DNAJC15: variants seen among roughly 807,000 people sequenced by gnomAD.
DNAJC15 encodes the protein dnaJ homolog subfamily C member 15.
Under a neutral mutation model 22.4 loss-of-function variants are expected in DNAJC15, and 27 were observed. That is an observed-to-expected ratio of 1.20 (90% CI 0.89 to 1.66). DNAJC15 has a LOEUF of 1.66. DNAJC15 is among the 40% of genes most tolerant of loss of function. The pLI is 0.00. For synonymous variants in DNAJC15, 79 were observed against 63.2 expected, an observed-to-expected ratio of 1.25 and a Z score of -1.19; for missense variants, 208 against 187.1, an observed-to-expected ratio of 1.11 and a Z score of -0.65.
Position 43,069,014 on chromosome 13 carries a change from C to G in DNAJC15, c.234+11C>G. ...AAGATTTCAACTCCTGTAAGTTAAA[C>G]GTGGCTTTAGTTAGAAGACTCATTT... is the stretch of plus-strand genomic sequence containing the variant. On this transcript the variant is annotated intron_variant, in intron 3 of 5. Transcript: ENST00000379221. The G allele has an allele frequency of 6.2e-7, 1 of 1,608,192 alleles. No homozygotes were observed. The highest frequency in any genetic ancestry group is 8.5e-7 in the Non-Finnish European group (1 of 1,177,206).
chr13:43,023,796 C>G (rs2281777), intron 1 of DNAJC15, 62 bp downstream of exon 1: 321,688 of 1,431,230 alleles, frequency 0.22, 37,084 homozygotes, highest in Non-Finnish European at 0.24. Context: ...CTTCAGCCCC[C>G]TCTACCGCCT....
intron 1 of DNAJC15, among the ~76,000 whole-genome samples, chr13:43,026,800 C>A (rs2040382654): frequency 6.6e-6 from 1 of 152,186 alleles, no homozygotes; most frequent in Non-Finnish European, 1.5e-5. Flanking sequence ...TTTGGAAGGT[C>A]AGGTGGGAGA....
chr13:43,107,270 G>T lies in DNAJC15; in HGVS notation c.*22G>T, dbSNP rs1359081419. The T allele has an allele frequency of 1.5e-6, 2 of 1,326,458 alleles. No individual in the cohort carries two copies. The highest frequency in any genetic ancestry group is 3.2e-5 in the Admixed American group (1 of 31,740). 82.2% of individuals were successfully genotyped at this position (1,326,458 alleles called of 1,614,324 possible). ...TTGATGCTTAAGGACCACACTGAAG[G>T]AAAAAAAAAGAGGGGACTTCGAAAA... On this transcript the variant is annotated 3_prime_UTR_variant, in exon 6 of 6. Coordinates refer to ENST00000379221, the MANE Select transcript of DNAJC15 (RefSeq NM_013238.3).
At chr13:43,049,485 G>T (rs1415133318) in intron 1 of DNAJC15, among the ~76,000 whole-genome samples, 2 of 152,092 alleles carry the variant, frequency 1.3e-5, no homozygotes, top group African/African-American at 4.8e-5. Flanking sequence ...CATGCTAATT[G>T]TTTTTCAACA....
intron 5 of DNAJC15, among the ~76,000 whole-genome samples, chr13:43,087,293 C>G (rs2040693269): frequency 6.6e-6 from 1 of 152,202 alleles, no homozygotes; most frequent in Non-Finnish European, 1.5e-5. Flanking sequence ...AAAGTTCATG[C>G]ACTTCCTAAA....
intron 1 of DNAJC15, among the ~76,000 whole-genome samples, chr13:43,062,160 A>G (rs996874992): frequency 1.3e-5 from 2 of 152,286 alleles, no homozygotes; most frequent in South Asian, 4.2e-4. Context: ...CTTAGGGACT[A>G]GCAGCACTTG....
In DNAJC15 at chr13:43,113,108, C is replaced by A. The variant is rs992350283; in HGVS notation, c.*5860C>A. On this transcript the variant is annotated 3_prime_UTR_variant, in exon 6 of 6. Transcript: ENST00000379221. ...AGATTTTATCTGAAATGTTCATGGA[C>A]AAGAGCTTTCAAGGAGAACATCCAG... 5 of 152,238 alleles carry A rather than the reference C, an allele frequency of 3.3e-5. No individual in the cohort carries two copies. The highest frequency in any genetic ancestry group is 1.2e-4 in the African/African-American group (5 of 41,516). The allele number at this position is 152,238 out of a possible 1,614,324, so 9.4% of individuals were successfully genotyped here.
chr13:43,034,858 T>A (rs1566200163), intron 1 of DNAJC15, among the ~76,000 whole-genome samples: 1 of 152,164 alleles, frequency 6.6e-6, no homozygotes, highest in Non-Finnish European at 1.5e-5. Flanking sequence ...AGGCTCATTT[T>A]GTGTATTTCC....
In DNAJC15 at chr13:43,108,300, T is replaced by TGCA. The variant is rs1406906555; in HGVS notation, c.*1054_*1056dup. 2.0e-5 allele frequency: 3 copies of TGCA among 152,106 alleles called. No homozygotes were observed. Among genetic ancestry groups the TGCA allele is most frequent in the African/African-American group, 4.8e-5 (2 of 41,422 alleles). 9.4% of individuals were successfully genotyped at this position (152,106 alleles called of 1,614,324 possible). On this transcript the variant is annotated 3_prime_UTR_variant, in exon 6 of 6. Coordinates refer to ENST00000379221, the MANE Select transcript of DNAJC15 (RefSeq NM_013238.3). ...GATATATCAATCGGAGTGATTAGAG[T>TGCA]GCAGGGTTTCTGGAAAGCAAGGTTT...
intron 5 of DNAJC15, among the ~76,000 whole-genome samples, chr13:43,097,872 G>A (rs1566217070): frequency 6.6e-6 from 1 of 152,208 alleles, no homozygotes; most frequent in Non-Finnish European, 1.5e-5. Context: ...GGGAGGCAGA[G>A]GTTGCGGTGA....
chr13:43,040,686 TCTCGCCGGC>T (rs2040449409), intron 1 of DNAJC15, among the ~76,000 whole-genome samples: 2 of 151,928 alleles, frequency 1.3e-5, no homozygotes, highest in Non-Finnish European at 2.9e-5. Context: ...ATACGGAGGA[TCTCGCCGGC>T]CTCTGAGTTC....
intron 4 of DNAJC15, among the ~76,000 whole-genome samples, chr13:43,080,023 C>T (rs1385916359): frequency 2.0e-5 from 3 of 152,130 alleles, no homozygotes; most frequent in Non-Finnish European, 2.9e-5. Flanking sequence ...ATAAAGTTGC[C>T]GTGAAGATTA....
chr13:43,078,543 T>TG, intron 3 of DNAJC15, 69 bp from the exon 4 acceptor site: 2 of 1,263,382 alleles, frequency 1.6e-6, no homozygotes, highest in Non-Finnish European at 2.3e-6. Flanking sequence ...TGCAGCTACA[T>TG]GATGAGATTG....
intron 3 of DNAJC15, among the ~76,000 whole-genome samples, chr13:43,069,642 T>A (rs1043409271): frequency 6.6e-6 from 1 of 152,184 alleles, no homozygotes; most frequent in African/African-American, 2.4e-5. Flanking sequence ...TAAAGAAAAG[T>A]CAGTGAGGCC....
At chr13:43,046,925 G>A (rs1004304715) in intron 1 of DNAJC15, among the ~76,000 whole-genome samples, 3 of 152,150 alleles carry the variant, frequency 2.0e-5, no homozygotes, top group African/African-American at 4.8e-5. Flanking sequence ...GTTACTGCAC[G>A]GCTAAGTGCC....
intron 1 of DNAJC15, among the ~76,000 whole-genome samples, chr13:43,038,599 T>C (rs1358706477): frequency 3.9e-5 from 6 of 152,118 alleles, no homozygotes; most frequent in African/African-American, 1.2e-4. Flanking sequence ...GAGACCATCC[T>C]GGCTAACACA....
intron 1 of DNAJC15, among the ~76,000 whole-genome samples, chr13:43,043,938 A>C (rs1487800972): frequency 6.6e-6 from 1 of 152,218 alleles, no homozygotes; most frequent in Admixed American, 6.5e-5. Context: ...TAGATATGAA[A>C]GTCTGAAATT....
intron 1 of DNAJC15, among the ~76,000 whole-genome samples, chr13:43,033,183 G>T (rs1305018664): frequency 6.6e-6 from 1 of 152,206 alleles, no homozygotes; most frequent in African/African-American, 2.4e-5. Context: ...GATTACAATT[G>T]AAAGTGAGAT....
At chr13:43,056,874 ACCC>A (rs1210383953) in intron 1 of DNAJC15, among the ~76,000 whole-genome samples, 7 of 152,148 alleles carry the variant, frequency 4.6e-5, no homozygotes, top group Non-Finnish European at 2.9e-5. Context: ...ACCTTTTGCT[ACCC>A]CTTTATCTTA....
Sources: allele counts gnomAD v4.1 joint callset (sites outside exome capture counted in the v4.1 genomes callset), GRCh38; gene constraint gnomAD v4.1.1; transcripts MANE v1.5; gene names NCBI Gene and HGNC (gene_info 2026-07-23, HGNC 2026-07-21).